Variants in CEP128 observed in about 807,000 individuals in gnomAD.
The protein encoded by CEP128 is centrosomal protein 128kDa.
A neutral mutation model predicts 156.7 loss-of-function variants in CEP128; 132 were observed. The ratio of observed to expected loss-of-function variants is 0.84; its 90% CI spans 0.73 to 0.97. CEP128 has a LOEUF of 0.97. CEP128 is among the 50% of genes least tolerant of loss of function. The pLI is 0.00. For synonymous variants in CEP128, 469 were observed against 448.9 expected (o/e 1.04, Z -0.57); for missense variants, 1,252 against 1,281.9 (o/e 0.98, Z 0.36).
intron 20 of CEP128, among the ~76,000 whole-genome samples, chr14:80,568,894 G>A (rs1023859967): frequency 6.6e-6 from 1 of 152,110 alleles, no homozygotes; most frequent in Non-Finnish European, 1.5e-5. Context: ...AAATAAAGCA[G>A]ATGTATATTA....
At chr14:80,859,746 C>T (rs980445718) in intron 9 of CEP128, among the ~76,000 whole-genome samples, 3 of 152,008 alleles carry the variant, frequency 2.0e-5, no homozygotes, top group African/African-American at 7.2e-5. Flanking sequence ...ATGGCTTTCC[C>T]TTGACCAATT....
intron 9 of CEP128, among the ~76,000 whole-genome samples, chr14:80,862,361 C>T (rs904252528): frequency 2.0e-5 from 3 of 152,112 alleles, no homozygotes; most frequent in African/African-American, 7.2e-5. Context: ...TTTGATGACC[C>T]CTGGTCTAGT....
At chr14:80,670,444 C>G (rs1310750412) in intron 19 of CEP128, among the ~76,000 whole-genome samples, 1 of 152,172 alleles carries the variant, frequency 6.6e-6, no homozygotes, top group Non-Finnish European at 1.5e-5. Flanking sequence ...GAATACTACT[C>G]TGCCATAAAG....
intron 19 of CEP128, among the ~76,000 whole-genome samples, chr14:80,673,715 C>T (rs1352841794): frequency 6.8e-6 from 1 of 148,110 alleles, no homozygotes; most frequent in Non-Finnish European, 1.5e-5. Flanking sequence ...CGTAAAACCG[C>T]TTACAACCTA....
intron 21 of CEP128, among the ~76,000 whole-genome samples, chr14:80,534,063 T>C (rs1889359657): frequency 2.6e-5 from 4 of 152,230 alleles, no homozygotes; most frequent in African/African-American, 9.6e-5. Context: ...AGACAATGAG[T>C]CCAATCTTAC....
chr14:80,831,061 T>C (rs773067659), intron 13 of CEP128, 82 bp downstream of exon 13: 9 of 1,212,016 alleles, frequency 7.4e-6, no homozygotes, highest in South Asian at 2.4e-5. Flanking sequence ...AAATAACACA[T>C]CTTTATATTA....
chr14:80,689,920 A>G (rs922526877), intron 19 of CEP128, among the ~76,000 whole-genome samples: 2 of 152,144 alleles, frequency 1.3e-5, no homozygotes. Flanking sequence ...AAACAATATA[A>G]TAACTTGAGA....
rs745445739 is a variant in CEP128 at position 80,916,416 on chromosome 14, T to C, written c.132A>G (p.Ile44Met). The change falls in exon 3 of 25, where the codon ATA becomes ATG. Residue 44 changes from isoleucine to methionine, a missense_variant. Physicochemically the swap from Ile to Met is conservative, Grantham distance 10. Coordinates refer to ENST00000555265, the MANE Select transcript of CEP128 (RefSeq NM_152446.5). ...TTAAACTAACCTGTAAAGTACTTGT[T>C]ATAGTGTTGACCTTCTCGGTAACTT... ...TVEVTEKVNT[I>M]TSTLQDTSRN... 1.5e-5 allele frequency: 24 copies of C among 1,613,676 alleles called. No homozygotes were observed. Among genetic ancestry groups the C allele is most frequent in the Non-Finnish European group, 1.9e-5 (22 of 1,179,772 alleles).
chr14:80,878,287 C>T (rs1198032746), intron 8 of CEP128, among the ~76,000 whole-genome samples: 1 of 152,144 alleles, frequency 6.6e-6, no homozygotes, highest in Non-Finnish European at 1.5e-5. Flanking sequence ...CTCCACCCTC[C>T]ATGCCCAAGA....
chr14:80,703,931 C>T (rs939439712), intron 19 of CEP128, among the ~76,000 whole-genome samples: 1 of 152,048 alleles, frequency 6.6e-6, no homozygotes, highest in African/African-American at 2.4e-5. Context: ...CAGTTACCTC[C>T]CTTCCTCCCT....
At chr14:80,495,247 T>C (rs1887453331), downstream of CEP128, among the ~76,000 whole-genome samples, 1 of 152,182 alleles carries the variant, frequency 6.6e-6, no homozygotes, top group South Asian at 2.1e-4. Context: ...GGAAAGAAGT[T>C]GTTGGCTTTA....
intron 13 of CEP128, among the ~76,000 whole-genome samples, chr14:80,802,910 T>G (rs182352271): frequency 6.6e-6 from 1 of 152,224 alleles, no homozygotes; most frequent in Non-Finnish European, 1.5e-5. Context: ...AATTCTTTTC[T>G]CATCTGAATT....
At chr14:80,611,491 T>C (rs1892991553) in intron 19 of CEP128, among the ~76,000 whole-genome samples, 1 of 152,116 alleles carries the variant, frequency 6.6e-6, no homozygotes. Context: ...TGTTAAAATA[T>C]TGTAAATACC....
chr14:80,793,404 A>G (rs920174656), intron 13 of CEP128, among the ~76,000 whole-genome samples: 4 of 152,234 alleles, frequency 2.6e-5, no homozygotes, highest in Admixed American at 6.5e-5. Flanking sequence ...TGAAGCGAAC[A>G]ATGTGCATTA....
chr14:80,745,909 A>G (rs1899076166), intron 18 of CEP128, among the ~76,000 whole-genome samples: 1 of 152,006 alleles, frequency 6.6e-6, no homozygotes, highest in African/African-American at 2.4e-5. Context: ...GCATATTATA[A>G]TACATAAAAT....
chr14:80,599,265 C>CTT (rs375136337), intron 19 of CEP128, among the ~76,000 whole-genome samples: 1,497 of 85,428 alleles, frequency 0.018, 20 homozygotes, highest in Middle Eastern at 0.032. Flanking sequence ...CAGTCATATT[C>CTT]TTTTTTTTTT....
intron 19 of CEP128, among the ~76,000 whole-genome samples, chr14:80,674,636 C>G (rs1360617391): frequency 6.6e-6 from 1 of 151,988 alleles, no homozygotes; most frequent in Non-Finnish European, 1.5e-5. Flanking sequence ...TGTTTATATA[C>G]ACATATATAT....
chr14:80,810,204 T>G (rs11849246), intron 13 of CEP128, among the ~76,000 whole-genome samples: 9,791 of 149,838 alleles, frequency 0.065, 1,053 homozygotes, highest in African/African-American at 0.23. Context: ...ACGCCTGTAG[T>G]CCCAACCACT....
At chr14:80,800,609 C>T (rs1883784409) in intron 13 of CEP128, among the ~76,000 whole-genome samples, 1 of 152,044 alleles carries the variant, frequency 6.6e-6, no homozygotes, top group African/African-American at 2.4e-5. Context: ...TCCTTCTAGA[C>T]AAGAGGAACT....
Sources: allele counts gnomAD v4.1 joint callset (sites outside exome capture counted in the v4.1 genomes callset), GRCh38; gene constraint gnomAD v4.1.1; transcripts MANE v1.5; gene names NCBI Gene and HGNC (gene_info 2026-07-23, HGNC 2026-07-21).